CCDC6: variants seen among roughly 807,000 people sequenced by gnomAD.
CCDC6 encodes the protein coiled-coil domain-containing protein 6.
In CCDC6, 20 loss-of-function variants were observed where a neutral mutation model predicts 56.6. The ratio of observed to expected loss-of-function variants is 0.35; its 90% confidence interval spans 0.25 to 0.51. The LOEUF is 0.51. CCDC6 is among the 20% of genes least tolerant of loss of function. CCDC6 has a pLI of 0.95. For missense variants in CCDC6, 367 were observed against 601.1 expected, an observed-to-expected ratio of 0.61 and a Z score of 4.07; for synonymous variants, 241 against 234.4, an observed-to-expected ratio of 1.03 and a Z score of -0.26.
At chr10:59,841,449 C>A (rs6479662) in intron 2 of CCDC6, among the ~76,000 whole-genome samples, 78,201 of 151,964 alleles carry the variant, frequency 0.51, 21,893 homozygotes, top group African/African-American at 0.75. Flanking sequence ...ATTGCTGGTA[C>A]ACAGAAATAC....
rs1352754466 is a variant in CCDC6, at chr10:59,850,208, T to G, written c.453+2345A>C. Reference sequence around the variant, plus strand: ...AAAGACGAGGGGAAGAGAATGGGCATTATTGTTTAATGGGCACAGAGTTTC... The same window carrying G: ...AAAGACGAGGGGAAGAGAATGGGCAGTATTGTTTAATGGGCACAGAGTTTC... On this transcript the variant is annotated intron_variant, in intron 2 of 8. Coordinates refer to ENST00000263102, the MANE Select transcript of CCDC6 (RefSeq NM_005436.5). 2.6e-5 allele frequency among the ~76,000 whole-genome samples: 4 copies of G among 152,172 alleles called. No individual in the cohort carries two copies. In the South Asian group the frequency reaches 6.2e-4, roughly 24 times the overall value.
chr10:59,898,927 G>C (rs977420285), intron 1 of CCDC6, among the ~76,000 whole-genome samples: 1 of 152,118 alleles, frequency 6.6e-6, no homozygotes, highest in African/African-American at 2.4e-5. Context: ...AATAAGTAAA[G>C]GGGAGGGTTA....
At chr10:59,854,192 C>T (rs757168795) in intron 1 of CCDC6, among the ~76,000 whole-genome samples, 6 of 152,064 alleles carry the variant, frequency 3.9e-5, no homozygotes, top group East Asian at 1.9e-4. Context: ...TAAAAGGCTC[C>T]GACAATCAAT....
At chr10:59,868,575 C>T (rs2071198001) in intron 1 of CCDC6, among the ~76,000 whole-genome samples, 1 of 152,048 alleles carries the variant, frequency 6.6e-6, no homozygotes, top group Non-Finnish European at 1.5e-5. Context: ...GAACCTGGTG[C>T]CCTCCCTACT....
intron 1 of CCDC6, among the ~76,000 whole-genome samples, chr10:59,874,291 AAACTT>A: frequency 6.6e-6 from 1 of 152,170 alleles, no homozygotes. Context: ...CTTTGGCACT[AAACTT>A]GCCTTTTGTT....
chr10:59,881,013 G>C (rs2440911), intron 1 of CCDC6, among the ~76,000 whole-genome samples: 115,702 of 151,408 alleles, frequency 0.76, 44,468 homozygotes, highest in East Asian at 0.89. Flanking sequence ...TTGTCTGCCC[G>C]ACCCCCTGCT....
At chr10:59,815,864 G>A (rs1055572630) in intron 3 of CCDC6, among the ~76,000 whole-genome samples, 47 of 152,142 alleles carry the variant, frequency 3.1e-4, no homozygotes, top group Admixed American at 3.3e-4. Context: ...CAAAGATCCC[G>A]TGTGTATACA....
chr10:59,891,419 AC>A (rs1348415337), intron 1 of CCDC6, among the ~76,000 whole-genome samples: 1 of 152,222 alleles, frequency 6.6e-6, no homozygotes, highest in East Asian at 1.9e-4. Flanking sequence ...GCTATAGAAG[AC>A]TTTGAGAACT....
chr10:59,867,149 GC>G (rs897545872), intron 1 of CCDC6, among the ~76,000 whole-genome samples: 2 of 152,170 alleles, frequency 1.3e-5, no homozygotes, highest in African/African-American at 2.4e-5. Context: ...TATGGCAGAG[GC>G]ACCTGAATGT....
chr10:59,839,122 T>C (rs1482131024), intron 2 of CCDC6, among the ~76,000 whole-genome samples: 1 of 152,234 alleles, frequency 6.6e-6, no homozygotes, highest in East Asian at 1.9e-4. Flanking sequence ...GAAACTGTTA[T>C]CTGCATTTTG....
intron 2 of CCDC6, among the ~76,000 whole-genome samples, chr10:59,848,345 G>A (rs993244017): frequency 6.6e-6 from 1 of 152,186 alleles, no homozygotes; most frequent in African/African-American, 2.4e-5. Context: ...ATATGCAGTA[G>A]GAACTTAACT....
At chr10:59,885,910 A>ACCC (rs1431441962) in intron 1 of CCDC6, among the ~76,000 whole-genome samples, 28 of 49,036 alleles carry the variant, frequency 5.7e-4, no homozygotes, top group African/African-American at 1.5e-3. Context: ...TCTATTTCCA[A>ACCC]CCCCGCCCCC....
chr10:59,825,639 T>C (rs1429814571), intron 3 of CCDC6, among the ~76,000 whole-genome samples: 3 of 152,210 alleles, frequency 2.0e-5, no homozygotes, highest in African/African-American at 7.2e-5. Flanking sequence ...CTAGAGTTAG[T>C]TGCTGTAGCT....
rs553535689 is a variant in CCDC6, at chr10:59,807,651, T to C, written c.848-573A>G. Among the ~76,000 whole-genome samples, 165 of 152,332 alleles carry C rather than the reference T, an allele frequency of 1.1e-3. 1 individual carries two copies. Among genetic ancestry groups the C allele is most frequent in the African/African-American group, 3.8e-3 (160 of 41,582 alleles). ...GTTAGGCATCGTCACTCCCACTCAT[T>C]TGCATTCTAAAGTGCTTTAAGTAGA... On this transcript the variant is annotated intron_variant, in intron 5 of 8. Transcript: ENST00000263102.
chr10:59,843,537 C>T (rs1451783548), intron 2 of CCDC6, among the ~76,000 whole-genome samples: 2 of 152,262 alleles, frequency 1.3e-5, no homozygotes, highest in East Asian at 1.9e-4. Context: ...AGTATACGCC[C>T]GGTAATTCCA....
chr10:59,833,251 C>T (rs530319294), intron 2 of CCDC6, among the ~76,000 whole-genome samples: 5 of 152,230 alleles, frequency 3.3e-5, no homozygotes, highest in Non-Finnish European at 5.9e-5. Context: ...GAGTTCAAGA[C>T]CAGCCTGGCC....
rs201640498 is a variant in CCDC6, at chr10:59,832,471, G to C, written c.582+54C>G. The C allele has an allele frequency of 9.0e-4, 1,395 of 1,545,216 alleles. 29 individuals carry two copies. In the South Asian group the frequency reaches 0.015, roughly 17 times the overall value. ...CCTCCAGGCATCTTAAAGCTTAAAA[G>C]AACAAGCTGAGAACGAGAAAATACA... is the stretch of plus-strand genomic sequence containing the variant. On this transcript the variant is annotated intron_variant, in intron 3 of 8. Transcript: ENST00000263102.
chr10:59,825,895 T>G (rs979864936), intron 3 of CCDC6, among the ~76,000 whole-genome samples: 2 of 152,232 alleles, frequency 1.3e-5, no homozygotes, highest in African/African-American at 4.8e-5. Context: ...ACAATGAATT[T>G]AAAAAATTTT....
At chr10:59,824,213 CAGAG>C (rs1210724221) in intron 3 of CCDC6, among the ~76,000 whole-genome samples, 1 of 152,058 alleles carries the variant, frequency 6.6e-6, no homozygotes, top group African/African-American at 2.4e-5. Flanking sequence ...TCATATCCTA[CAGAG>C]AGACTTATCT....
Sources: allele counts gnomAD v4.1 joint callset (sites outside exome capture counted in the v4.1 genomes callset), GRCh38; gene constraint gnomAD v4.1.1; transcripts MANE v1.5; gene names NCBI Gene and HGNC (gene_info 2026-07-23, HGNC 2026-07-21).